The following PTPRT variants were observed in gnomAD, a reference collection of about 807,000 sequenced individuals.
PTPRT encodes the protein protein tyrosine phosphatase receptor type T.
Under a neutral mutation model 176.8 loss-of-function variants are expected in PTPRT, and 56 were observed. The ratio of observed to expected loss-of-function variants is 0.32; its 90% CI spans 0.26 to 0.40. PTPRT has a LOEUF of 0.40. PTPRT is among the 10% of genes least tolerant of loss of function. PTPRT has a pLI of 1.00. For synonymous variants in PTPRT, 783 were observed against 739.0 expected (o/e 1.06, Z -0.96); for missense variants, 1,540 against 1,908.2 (o/e 0.81, Z 3.60).
chr20:42,247,543 G>C (rs1242306078), intron 14 of PTPRT, among the ~76,000 whole-genome samples: 1 of 152,202 alleles, frequency 6.6e-6, no homozygotes, highest in Non-Finnish European at 1.5e-5. Flanking sequence ...ATGGAAGCAA[G>C]TTCCCAGCCC....
chr20:42,655,298 T>C (rs1034001979), intron 7 of PTPRT, among the ~76,000 whole-genome samples: 6 of 152,290 alleles, frequency 3.9e-5, no homozygotes, highest in Admixed American at 6.5e-5. Context: ...GAGACCAGCC[T>C]GGCCAAACAT....
At chr20:42,997,393 T>C (rs1984282616) in intron 1 of PTPRT, among the ~76,000 whole-genome samples, 2 of 152,094 alleles carry the variant, frequency 1.3e-5, no homozygotes, top group Admixed American at 1.3e-4. Context: ...ACAGCCTCCA[T>C]ACTGTGAGGA....
chr20:42,708,813 C>T (rs1168234138), intron 6 of PTPRT, among the ~76,000 whole-genome samples: 3 of 152,204 alleles, frequency 2.0e-5, no homozygotes, highest in African/African-American at 4.8e-5. Flanking sequence ...CAGTCTCTAG[C>T]AGTTTCAGTT....
chr20:42,640,564 T>C (rs754263838), intron 7 of PTPRT, among the ~76,000 whole-genome samples: 3 of 152,090 alleles, frequency 2.0e-5, no homozygotes, highest in Non-Finnish European at 2.9e-5. Context: ...AATTTTTTTA[T>C]TTTTAGCAGA....
intron 15 of PTPRT, among the ~76,000 whole-genome samples, chr20:42,228,327 G>A (rs906896420): frequency 6.6e-6 from 1 of 152,176 alleles, no homozygotes; most frequent in Admixed American, 6.5e-5. Flanking sequence ...TAAAGTGACA[G>A]AGCCTCTGAC....
intron 9 of PTPRT, among the ~76,000 whole-genome samples, chr20:42,440,866 G>A (rs2145832116): frequency 6.6e-6 from 1 of 152,310 alleles, no homozygotes; most frequent in African/African-American, 2.4e-5. Context: ...CATCGGCTGG[G>A]GAATTCCCTC....
chr20:42,800,723 C>T (rs1364164147), intron 2 of PTPRT, among the ~76,000 whole-genome samples: 1 of 152,002 alleles, frequency 6.6e-6, no homozygotes, highest in African/African-American at 2.4e-5. Flanking sequence ...CGTATATTTG[C>T]AATGGGAAAA....
At chr20:42,776,464 G>T (rs902515360) in intron 4 of PTPRT, among the ~76,000 whole-genome samples, 1 of 152,116 alleles carries the variant, frequency 6.6e-6, no homozygotes, top group African/African-American at 2.4e-5. Context: ...CCAAAGGATT[G>T]TAAGTACAGA....
At chr20:42,550,661 C>T (rs907812320) in intron 7 of PTPRT, among the ~76,000 whole-genome samples, 4 of 151,956 alleles carry the variant, frequency 2.6e-5, no homozygotes, top group African/African-American at 4.8e-5. Context: ...TATTGCATTG[C>T]GGGGCTAAGC....
At chr20:42,849,090 T>C (rs2078427407) in intron 2 of PTPRT, among the ~76,000 whole-genome samples, 2 of 152,176 alleles carry the variant, frequency 1.3e-5, no homozygotes, top group Non-Finnish European at 2.9e-5. Context: ...CCACTTTATG[T>C]TTTTGTTTGC....
chr20:42,698,753 C>T (rs1030078495), intron 6 of PTPRT, among the ~76,000 whole-genome samples: 2 of 152,092 alleles, frequency 1.3e-5, no homozygotes, highest in African/African-American at 4.8e-5. Context: ...ATATGCTTGG[C>T]CTCTAGGTGA....
chr20:42,802,189 G>T (rs1371964220), intron 2 of PTPRT, among the ~76,000 whole-genome samples: 1 of 152,214 alleles, frequency 6.6e-6, no homozygotes, highest in Non-Finnish European at 1.5e-5. Context: ...TGATGCTGAT[G>T]GGACTGATCT....
At chr20:42,744,623 TA>T (rs1176226553) in intron 6 of PTPRT, among the ~76,000 whole-genome samples, 1 of 152,170 alleles carries the variant, frequency 6.6e-6, no homozygotes, top group Non-Finnish European at 1.5e-5. Flanking sequence ...CCCCAAGGCT[TA>T]GTAGCTTAAC....
intron 7 of PTPRT, among the ~76,000 whole-genome samples, chr20:42,473,087 C>A (rs975834481): frequency 6.6e-6 from 1 of 152,172 alleles, no homozygotes; most frequent in African/African-American, 2.4e-5. Context: ...TTTATCCATG[C>A]GTTCATCATG....
intron 12 of PTPRT, among the ~76,000 whole-genome samples, chr20:42,295,623 A>C (rs1294775453): frequency 1.3e-5 from 2 of 152,174 alleles, no homozygotes; most frequent in Admixed American, 1.3e-4. Context: ...GAAATAATAC[A>C]ACTAAAAATT....
chr20:42,945,893 C>T (rs1389364657), intron 1 of PTPRT, among the ~76,000 whole-genome samples: 1 of 152,126 alleles, frequency 6.6e-6, no homozygotes, highest in East Asian at 1.9e-4. Context: ...CTTCCCCAGC[C>T]CTTAGTAACC....
chr20:43,008,929 G>C (rs1984989006), intron 1 of PTPRT, among the ~76,000 whole-genome samples: 1 of 152,118 alleles, frequency 6.6e-6, no homozygotes. Flanking sequence ...GGTCACTCAA[G>C]CACCTCTCAG....
intron 22 of PTPRT, among the ~76,000 whole-genome samples, chr20:42,111,986 G>A: frequency 6.6e-6 from 1 of 152,130 alleles, no homozygotes; most frequent in East Asian, 1.9e-4. Context: ...TGGAAGTCAG[G>A]CCATGGGAGA....
At chr20:42,648,820 G>GTTTTTTTTTTTTTTTTTTTTTTTTTT (rs68036487) in intron 7 of PTPRT, among the ~76,000 whole-genome samples, 1 of 111,834 alleles carries the variant, frequency 8.9e-6, no homozygotes, top group Non-Finnish European at 1.8e-5. Flanking sequence ...TGGTGTCGTT[G>GTTTTTTTTTTTTTTTTTTTTTTTTTT]TTTTTTTTTT....
Sources: gnomAD v4.1 joint callset for allele counts (sites outside exome capture counted in the v4.1 genomes callset) on GRCh38, gnomAD v4.1.1 for gene constraint, MANE v1.5 for transcripts, NCBI Gene and HGNC (gene_info 2026-07-23, HGNC 2026-07-21) for gene names.